The following DROSHA variants were observed in gnomAD, a reference collection of about 807,000 sequenced individuals.
DROSHA encodes the protein drosha ribonuclease III.
A neutral mutation model predicts 181.9 loss-of-function variants in DROSHA; 56 were observed. The observed-to-expected ratio is 0.31, with a 90% confidence interval of 0.25 to 0.38. The LOEUF is 0.38. Among genes scored for constraint, DROSHA ranks in the 10% least tolerant of loss-of-function variants. DROSHA has a pLI of 1.00. For missense variants in DROSHA, 1,218 were observed against 1,743.5 expected, an observed-to-expected ratio of 0.70 and a Z score of 5.37; for synonymous variants, 524 against 591.2, an observed-to-expected ratio of 0.89 and a Z score of 1.65.
chr5:31,513,093 G>C (rs976976292), intron 8 of DROSHA, among the ~76,000 whole-genome samples: 3 of 152,204 alleles, frequency 2.0e-5, no homozygotes, highest in Admixed American at 6.5e-5. Flanking sequence ...AATCCCTGGG[G>C]TAGGCATGTC....
chr5:31,505,239 C>T (rs959206333), intron 10 of DROSHA, among the ~76,000 whole-genome samples: 1 of 152,070 alleles, frequency 6.6e-6, no homozygotes, highest in Non-Finnish European at 1.5e-5. Flanking sequence ...GTGCTAAGCA[C>T]GGGGATGATA....
intron 6 of DROSHA, 103 bp from the exon 7 acceptor site, chr5:31,515,667 G>A: frequency 1.4e-6 from 2 of 1,450,580 alleles, no homozygotes; most frequent in South Asian, 1.4e-5. Context: ...GTCTTTGCCA[G>A]GAAAAAAAGA....
chr5:31,507,109 G>A (rs1402865003), intron 10 of DROSHA, among the ~76,000 whole-genome samples: 1 of 151,836 alleles, frequency 6.6e-6, no homozygotes, highest in Non-Finnish European at 1.5e-5. Flanking sequence ...GAGCCTAGGA[G>A]TTTGAGACCA....
In DROSHA at chr5:31,526,310, G is replaced by A. The variant is rs780397814; in HGVS notation, c.623C>T (p.Pro208Leu). ...NSSSPHFRHL[P>L]PYPLPKAPSE... ...GGGAGCCTTTGGGAGTGGGTATGGA[G>A]GGAGATGTCTGAAATGAGGACTACT... Residue 208 changes from proline (P) to leucine (L), a missense_variant, in exon 5 of 36, where the codon CCT (proline) becomes CTT (leucine). This residue lies in a region of DROSHA where 536 missense variants were observed against 535.4 expected (regional missense o/e 1.00). Coordinates refer to ENST00000344624, the MANE Select transcript of DROSHA (RefSeq NM_001382508.1). 4.3e-6 allele frequency: 7 copies of A among 1,613,928 alleles called. No homozygotes were observed. In the South Asian group the frequency reaches 7.7e-5, roughly 18 times the overall value.
At chr5:31,428,228 A>G (rs1208915437) in intron 27 of DROSHA, among the ~76,000 whole-genome samples, 1 of 149,306 alleles carries the variant, frequency 6.7e-6, no homozygotes, top group Admixed American at 6.7e-5. Context: ...AGAACAACAG[A>G]ACACAGTGGA....
intron 11 of DROSHA, among the ~76,000 whole-genome samples, chr5:31,496,798 G>A (rs1753037862): frequency 6.6e-6 from 1 of 152,244 alleles, no homozygotes; most frequent in Non-Finnish European, 1.5e-5. Context: ...CAGTCTGTGA[G>A]TTACAGTCCA....
Position 31,466,174 on chromosome 5 carries a change from A to T in DROSHA, c.2466+8T>A. 1 of 1,612,898 alleles carries T rather than the reference A, an allele frequency of 6.2e-7. No individual in the cohort carries two copies. The highest frequency in any genetic ancestry group is 8.5e-7 in the Non-Finnish European group (1 of 1,179,106). On this transcript the variant is annotated splice_region_variant and intron_variant, in intron 19 of 35. Transcript: ENST00000344624. ...GTTAATCACCAAGGAATGGAGTTTG[A>T]TACAGACCTCCCTCTGTGCCAGCTT...
chr5:31,428,178 G>A (rs1380059427), intron 27 of DROSHA, among the ~76,000 whole-genome samples: 5 of 150,270 alleles, frequency 3.3e-5, no homozygotes, highest in African/African-American at 1.2e-4. Context: ...AACACAGACT[G>A]ATGCAATTAA....
Position 31,452,738 on chromosome 5 carries a change from T to C in DROSHA, c.2575-1098A>G, listed in dbSNP as rs527320937. On this transcript the variant is annotated intron_variant, in intron 20 of 35. Transcript: ENST00000344624. ...TCATTCTACCAAATAGGATCTCTAA[T>C]CAACAAAAAAATCTTTCTTGCCAGT... Among the ~76,000 whole-genome samples the C allele has an allele frequency of 8.5e-5, 13 of 152,312 alleles. No homozygotes were observed. In the East Asian group the frequency reaches 1.9e-3, roughly 23 times the overall value.
At chr5:31,446,446 CAAAA>C (rs60001713) in intron 23 of DROSHA, among the ~76,000 whole-genome samples, 17 of 59,346 alleles carry the variant, frequency 2.9e-4, no homozygotes, top group African/African-American at 7.1e-4. Flanking sequence ...GACTCTGTCT[CAAAA>C]AAAAAAAAAA....
chr5:31,520,864 A>C (rs1739814766), intron 6 of DROSHA, among the ~76,000 whole-genome samples: 1 of 152,184 alleles, frequency 6.6e-6, no homozygotes, highest in Non-Finnish European at 1.5e-5. Flanking sequence ...ATTAATGTAT[A>C]GTTTTATAGC....
intron 14 of DROSHA, among the ~76,000 whole-genome samples, chr5:31,485,635 T>TA (rs10523474): frequency 0.025 from 3,413 of 136,006 alleles, 65 homozygotes; most frequent in African/African-American, 0.056. Flanking sequence ...AAAAGGAAGT[T>TA]AAAAAAAAAA....
chr5:31,515,152 GGTT>G lies in DROSHA; in HGVS notation c.1123_1125del (p.Asn375del). On this transcript the variant is annotated inframe_deletion, in exon 8 of 36. Transcript: ENST00000344624. Reference sequence around the variant, plus strand: ...TAGTTCTTGTCTTTGCCAGAACTCTGGTTGTCACTCCAACGGTCTTTTTCTTCC... The same window carrying G: ...TAGTTCTTGTCTTTGCCAGAACTCTGGTCACTCCAACGGTCTTTTTCTTCC... The G allele has an allele frequency of 1.2e-6, 2 of 1,613,850 alleles. No homozygotes were observed. Among genetic ancestry groups the G allele is most frequent in the Non-Finnish European group, 8.5e-7 (1 of 1,179,868 alleles).
At chr5:31,444,835 T>TATGCC in intron 23 of DROSHA, among the ~76,000 whole-genome samples, 1 of 152,258 alleles carries the variant, frequency 6.6e-6, no homozygotes, top group South Asian at 2.1e-4. Context: ...ATGATCATTT[T>TATGCC]CAAACAAGAA....
At chr5:31,466,154 T>C (rs1394521601) in intron 19 of DROSHA, 28 bp downstream of exon 19, 2 of 1,602,672 alleles carry the variant, frequency 1.2e-6, no homozygotes, top group Admixed American at 1.7e-5. Context: ...TCATCGTTAA[T>C]CACCAAGGAA....
intron 26 of DROSHA, 34 bp downstream of exon 26, chr5:31,431,542 A>G: frequency 6.2e-7 from 1 of 1,606,888 alleles, no homozygotes; most frequent in South Asian, 1.1e-5. Flanking sequence ...TAGACATGCA[A>G]GAAAGTAGAC....
At chr5:31,426,066 C>T (rs1743427287) in intron 27 of DROSHA, among the ~76,000 whole-genome samples, 1 of 152,132 alleles carries the variant, frequency 6.6e-6, no homozygotes, top group African/African-American at 2.4e-5. Flanking sequence ...CACCTTTCTT[C>T]TATCACCTTC....
At chr5:31,413,475 T>A (rs747719429) in intron 30 of DROSHA, among the ~76,000 whole-genome samples, 17 of 152,242 alleles carry the variant, frequency 1.1e-4, no homozygotes, top group Non-Finnish European at 8.8e-5. Context: ...TACTTCATAA[T>A]GAATCATGTT....
chr5:31,524,446 C>T (rs747806703), intron 5 of DROSHA, among the ~76,000 whole-genome samples: 6 of 152,128 alleles, frequency 3.9e-5, no homozygotes, highest in Non-Finnish European at 5.9e-5. Context: ...CACAAAAGTT[C>T]CACAAGACAA....
Sources: gnomAD v4.1 joint callset for allele counts (sites outside exome capture counted in the v4.1 genomes callset) on GRCh38, gnomAD v4.1.1 for gene constraint, gnomAD v4.1.1 regional missense constraint, MANE v1.5 for transcripts, NCBI Gene and HGNC (gene_info 2026-07-23, HGNC 2026-07-21) for gene names.